The following EPHA5 variants were observed in gnomAD, a reference collection of about 807,000 sequenced individuals.
The protein encoded by EPHA5 is ephrin type-A receptor 5.
A neutral mutation model predicts 105.0 loss-of-function variants in EPHA5; 60 were observed. The observed-to-expected ratio is 0.57, with a 90% confidence interval of 0.46 to 0.71. The LOEUF (loss-of-function observed/expected upper bound fraction) is 0.71, where lower values mean the gene tolerates loss of function less well. Among genes scored for constraint, EPHA5 ranks in the 30% least tolerant of loss-of-function variants. The probability of loss-of-function intolerance (pLI) is 0.00; values close to 1 mark genes in which losing one functional copy is unlikely to be tolerated. For missense variants in EPHA5, 1,218 were observed against 1,274.7 expected, an observed-to-expected ratio of 0.96 and a Z score of 0.68; for synonymous variants, 513 against 449.1, an observed-to-expected ratio of 1.14 and a Z score of -1.80.
In EPHA5 at chr4:65,601,763, A is replaced by G. The variant is rs2149437676; in HGVS notation, c.788T>C (p.Val263Ala). The change falls in exon 3 of 17, where the codon GTC (valine) becomes GCC (alanine). Residue 263 changes from valine to alanine, a missense_variant. This residue lies in a region of EPHA5 where 971 missense variants were observed against 1,013.5 expected (regional missense o/e 0.96). Coordinates refer to ENST00000613740, the MANE Select transcript of EPHA5 (RefSeq NM_001281766.3). ...SQLLEVSGSC[V>A]NHSVTDEPPK... Reference sequence around the variant, plus strand: ...AGGTTCATCGGTCACAGAATGGTTGACACAGGAGCCTGACACTTCGAGCAA... The same window carrying G: ...AGGTTCATCGGTCACAGAATGGTTGGCACAGGAGCCTGACACTTCGAGCAA... The G allele has an allele frequency of 6.2e-7, 1 of 1,614,118 alleles. No individual in the cohort carries two copies. Among genetic ancestry groups the G allele is most frequent in the East Asian group, 2.2e-5 (1 of 44,862 alleles).
intron 7 of EPHA5, among the ~76,000 whole-genome samples, chr4:65,409,631 A>T (rs1252697953): frequency 6.6e-5 from 10 of 152,210 alleles, no homozygotes; most frequent in Non-Finnish European, 5.9e-5. Context: ...GAGCCAGATT[A>T]TAAGGCTACA....
At chr4:65,617,152 CTT>C (rs1745313418) in intron 2 of EPHA5, among the ~76,000 whole-genome samples, 1 of 152,080 alleles carries the variant, frequency 6.6e-6, no homozygotes, top group Non-Finnish European at 1.5e-5. Context: ...AGAGACCACA[CTT>C]ATTCTACTAA....
intron 2 of EPHA5, among the ~76,000 whole-genome samples, chr4:65,611,007 G>A (rs1441992398): frequency 6.6e-6 from 1 of 152,036 alleles, no homozygotes; most frequent in Non-Finnish European, 1.5e-5. Flanking sequence ...CTATTATGAA[G>A]GTTTACATAG....
chr4:65,554,458 T>A (rs1041501049), intron 3 of EPHA5, among the ~76,000 whole-genome samples: 1 of 151,324 alleles, frequency 6.6e-6, no homozygotes, highest in Non-Finnish European at 1.5e-5. Flanking sequence ...ATGTGAATAA[T>A]GTGCTACAGT....
At chr4:65,573,562 A>G in intron 3 of EPHA5, 1 of 1,598,406 alleles carries the variant, frequency 6.3e-7, no homozygotes, top group Non-Finnish European at 8.5e-7. Context: ...CTCAAAGCTA[A>G]AAAGCCCAAG....
At chr4:65,456,918 C>T (rs1727655132) in intron 5 of EPHA5, among the ~76,000 whole-genome samples, 1 of 152,006 alleles carries the variant, frequency 6.6e-6, no homozygotes, top group Admixed American at 6.6e-5. Flanking sequence ...AAAATTCATA[C>T]CTCCAAGAGT....
At chr4:65,558,438 T>C (rs1738677531) in intron 3 of EPHA5, among the ~76,000 whole-genome samples, 1 of 152,152 alleles carries the variant, frequency 6.6e-6, no homozygotes, top group African/African-American at 2.4e-5. Context: ...TTGGTCATTT[T>C]ATTGGTCTTC....
intron 14 of EPHA5, among the ~76,000 whole-genome samples, chr4:65,338,107 G>A (rs999100749): frequency 9.9e-5 from 15 of 151,806 alleles, no homozygotes; most frequent in African/African-American, 3.6e-4. Context: ...AAACATACTA[G>A]CCAATAATTT....
Position 65,601,793 on chromosome 4 carries a change from G to A in EPHA5, c.758C>T (p.Ser253Phe), listed in dbSNP as rs2149437934. 2 of 1,614,158 alleles carry A rather than the reference G, an allele frequency of 1.2e-6. No homozygotes were observed. Among genetic ancestry groups the A allele is most frequent in the Non-Finnish European group, 1.7e-6 (2 of 1,180,016 alleles). Reference sequence around the variant, plus strand: ...GGAGCCTGACACTTCGAGCAATTGGGAAGAATCAGCTCCAGTGATGGTGTC... The same window carrying A: ...GGAGCCTGACACTTCGAGCAATTGGAAAGAATCAGCTCCAGTGATGGTGTC... The part of the protein sequence containing the change: ...FPDTITGADS[S>F]QLLEVSGSCV... Residue 253 changes from serine (S) to phenylalanine (F), a missense_variant, in exon 3 of 17, where the codon TCC (serine) becomes TTC (phenylalanine). By Grantham distance (155) the Ser-to-Phe change is radical. Coordinates refer to ENST00000613740, the MANE Select transcript of EPHA5 (RefSeq NM_001281766.3).
chr4:65,401,933 AAGAG>A (rs1198057294), intron 8 of EPHA5, among the ~76,000 whole-genome samples: 2 of 138,888 alleles, frequency 1.4e-5, no homozygotes, highest in Non-Finnish European at 3.1e-5. Context: ...GAGAGAGAGA[AAGAG>A]AGAGAGATAG....
intron 2 of EPHA5, among the ~76,000 whole-genome samples, chr4:65,637,577 T>TATAGATATAG (rs1358874933): frequency 1.6e-5 from 2 of 127,692 alleles, no homozygotes; most frequent in Non-Finnish European, 3.6e-5. Flanking sequence ...TGCATATATA[T>TATAGATATAG]ATATATATAT....
At chr4:65,503,563 A>G (rs1372905937) in intron 3 of EPHA5, among the ~76,000 whole-genome samples, 3 of 151,794 alleles carry the variant, frequency 2.0e-5, no homozygotes, top group African/African-American at 7.2e-5. Context: ...ATCTCTCAAT[A>G]CAATGTATTT....
chr4:65,582,089 T>C (rs1741680327), intron 3 of EPHA5, among the ~76,000 whole-genome samples: 1 of 151,670 alleles, frequency 6.6e-6, no homozygotes. Flanking sequence ...CTGGGTTGCA[T>C]TAAACATGTC....
chr4:65,405,116 C>A (rs975035113), intron 7 of EPHA5, among the ~76,000 whole-genome samples: 5 of 152,126 alleles, frequency 3.3e-5, no homozygotes, highest in African/African-American at 1.2e-4. Flanking sequence ...CGATTGGATA[C>A]ATTTACATCA....
intron 3 of EPHA5, among the ~76,000 whole-genome samples, chr4:65,520,265 C>A (rs1385274314): frequency 2.0e-5 from 3 of 152,088 alleles, no homozygotes; most frequent in Non-Finnish European, 4.4e-5. Flanking sequence ...CTGACAAAAA[C>A]AAGCAATGGG....
rs769721695 is a variant in EPHA5, at chr4:65,365,076, C to T, written c.2114G>A (p.Ser705Asn). The T allele has an allele frequency of 6.2e-7, 1 of 1,611,840 alleles. No individual in the cohort carries two copies. ...AGGATGATCAAACTGTCCCATGATA[C>T]TTGCTTCACCTAGGAAATCTCTGCG... Reference protein sequence around the residue: ...KQRRDFLGEASIMGQFDHPNI... With the variant: ...KQRRDFLGEANIMGQFDHPNI... Residue 705 changes from serine to asparagine, a missense_variant, in exon 11 of 17, where the codon AGT becomes AAT. By Grantham distance (46) the Ser-to-Asn change is conservative. This residue lies in a region of EPHA5 where 971 missense variants were observed against 1,013.5 expected (regional missense o/e 0.96). Transcript: ENST00000613740.
At chr4:65,326,852 T>C (rs918294596) in intron 16 of EPHA5, among the ~76,000 whole-genome samples, 9 of 151,234 alleles carry the variant, frequency 6.0e-5, no homozygotes, top group African/African-American at 2.2e-4. Context: ...GGAATGAGCC[T>C]TTGAAAATAA....
At chr4:65,512,373 T>C (rs1733707754) in intron 3 of EPHA5, among the ~76,000 whole-genome samples, 1 of 152,180 alleles carries the variant, frequency 6.6e-6, no homozygotes, top group Non-Finnish European at 1.5e-5. Flanking sequence ...GGTTTGGATC[T>C]GTGCCCCCAT....
At chr4:65,407,510 A>ATAAT (rs1722474168) in intron 7 of EPHA5, among the ~76,000 whole-genome samples, 2 of 151,368 alleles carry the variant, frequency 1.3e-5, no homozygotes, top group South Asian at 4.1e-4. Context: ...AGACTGTTAA[A>ATAAT]ATGCTAAGAC....
Sources: allele counts gnomAD v4.1 joint callset (sites outside exome capture counted in the v4.1 genomes callset), GRCh38; gene constraint gnomAD v4.1.1; regional missense constraint gnomAD v4.1.1; transcripts MANE v1.5; gene names NCBI Gene and HGNC (gene_info 2026-07-23, HGNC 2026-07-21).